SLC16A7: variants seen among roughly 807,000 people sequenced by gnomAD.
SLC16A7 encodes solute carrier family 16 member 7.
In SLC16A7, 33 loss-of-function variants were observed where a neutral mutation model predicts 34.9. That is an observed-to-expected ratio of 0.94 (90% confidence interval 0.72 to 1.26). SLC16A7 has a LOEUF of 1.26. Ranked by LOEUF, SLC16A7 falls within the 50% of genes most tolerant of loss-of-function variation. SLC16A7 has a pLI of 0.00. For synonymous variants in SLC16A7, 201 were observed against 206.6 expected, an observed-to-expected ratio of 0.97 and a Z score of 0.23; for missense variants, 573 against 578.1, an observed-to-expected ratio of 0.99 and a Z score of 0.09.
intron 3 of SLC16A7, among the ~76,000 whole-genome samples, chr12:59,745,747 A>T (rs1878824243): frequency 6.6e-6 from 1 of 152,194 alleles, no homozygotes; most frequent in Non-Finnish European, 1.5e-5. Context: ...TCTTATAGAC[A>T]TTTCTTATGT....
rs560377499 is a variant in SLC16A7, at chr12:59,675,761, A to C, written c.-31+20511A>C. 1.4e-3 allele frequency among the ~76,000 whole-genome samples: 210 copies of C among 152,280 alleles called. 1 individual carries two copies. The highest frequency in any genetic ancestry group is 5.0e-3 in the African/African-American group (206 of 41,556). ...ATGAACTATGCTTCTGATATAAAAA[A>C]ATTTTTAAATGAACACTTTTAGAAA... is the stretch of plus-strand genomic sequence containing the variant. On this transcript the variant is annotated intron_variant, in intron 2 of 5. Coordinates refer to ENST00000547379, the MANE Select transcript of SLC16A7 (RefSeq NM_001270623.2).
intron 1 of SLC16A7, among the ~76,000 whole-genome samples, chr12:59,650,342 G>A (rs1868321267): frequency 6.6e-6 from 1 of 152,048 alleles, no homozygotes; most frequent in African/African-American, 2.4e-5. Context: ...ACACCACATA[G>A]TCCAGACACC....
At chr12:59,701,840 T>A (rs767932072) in intron 2 of SLC16A7, among the ~76,000 whole-genome samples, 24 of 151,762 alleles carry the variant, frequency 1.6e-4, no homozygotes, top group Non-Finnish European at 2.7e-4. Context: ...TTGAAGTGAG[T>A]GAAAAATAAA....
chr12:59,755,257 C>T (rs1880163313), intron 3 of SLC16A7, among the ~76,000 whole-genome samples: 1 of 151,966 alleles, frequency 6.6e-6, no homozygotes, highest in African/African-American at 2.4e-5. Flanking sequence ...CTGGCCAGGG[C>T]AATTAGGCAG....
chr12:59,739,574 GGGTCAAAT>G (rs1160588078), intron 3 of SLC16A7, among the ~76,000 whole-genome samples: 1 of 146,234 alleles, frequency 6.8e-6, no homozygotes, highest in Non-Finnish European at 1.5e-5. Context: ...TGGGATGGCT[GGGTCAAAT>G]GGTATTTCTA....
chr12:59,671,253 C>T (rs1249453479), intron 2 of SLC16A7, among the ~76,000 whole-genome samples: 1 of 152,118 alleles, frequency 6.6e-6, no homozygotes, highest in Non-Finnish European at 1.5e-5. Flanking sequence ...AAACCACATG[C>T]TTTATTTGTT....
intron 1 of SLC16A7, among the ~76,000 whole-genome samples, chr12:59,602,665 A>G (rs1878745008): frequency 6.6e-6 from 1 of 151,514 alleles, no homozygotes; most frequent in South Asian, 2.1e-4. Context: ...TTGTATTTTT[A>G]GTAGAAATAG....
rs554438923 is a variant in SLC16A7 at position 59,622,289 on chromosome 12, G to A, written c.-130+26053G>A. ...GAAAAAACGTAGGTTGTTGTTCCCC[G>A]AGTACTCTTGGTAATTTAAAATAGA... On this transcript the variant is annotated intron_variant, in intron 1 of 5. Coordinates refer to ENST00000547379, the MANE Select transcript of SLC16A7 (RefSeq NM_001270623.2). 5.3e-5 allele frequency among the ~76,000 whole-genome samples: 8 copies of A among 151,806 alleles called. 1 individual carries two copies. The highest frequency in any genetic ancestry group is 1.4e-4 in the African/African-American group (6 of 41,474).
chr12:59,750,297 A>G (rs1209207802), intron 3 of SLC16A7, among the ~76,000 whole-genome samples: 1 of 152,228 alleles, frequency 6.6e-6, no homozygotes, highest in Non-Finnish European at 1.5e-5. Context: ...AATGGGAGAA[A>G]GATTTTGCAA....
chr12:59,618,554 T>C (rs1879559420), intron 1 of SLC16A7, among the ~76,000 whole-genome samples: 1 of 151,974 alleles, frequency 6.6e-6, no homozygotes. Context: ...GTTTTTGCAC[T>C]CACCACTGTA....
At chr12:59,719,988 T>G (rs1875380811) in intron 3 of SLC16A7, 1 of 661,492 alleles carries the variant, frequency 1.5e-6, no homozygotes, top group African/African-American at 1.8e-5. Context: ...GATGCATACC[T>G]GGGTCTACCT....
Position 59,782,073 on chromosome 12 carries a change from C to G in SLC16A7, c.*2394C>G, listed in dbSNP as rs1883288281. On this transcript the variant is annotated 3_prime_UTR_variant, in exon 6 of 6. Coordinates refer to ENST00000547379, the MANE Select transcript of SLC16A7 (RefSeq NM_001270623.2). ...GGTTGTCTTCATTCGTTATTTATTT[C>G]TAACACTGTATTAAATTGTTAGAAA... 1 of 152,124 alleles carries G rather than the reference C, an allele frequency of 6.6e-6. No individual in the cohort carries two copies. The highest frequency in any genetic ancestry group is 6.6e-5 in the Admixed American group (1 of 15,248). 9.4% of individuals were successfully genotyped at this position (152,124 alleles called of 1,614,324 possible).
intron 2 of SLC16A7, among the ~76,000 whole-genome samples, chr12:59,655,624 G>A (rs1161857322): frequency 6.6e-6 from 1 of 151,836 alleles, no homozygotes. Flanking sequence ...GAGAAAGCTA[G>A]AGGTATATAC....
intron 2 of SLC16A7, among the ~76,000 whole-genome samples, chr12:59,700,803 C>A (rs1166915401): frequency 6.6e-6 from 1 of 151,480 alleles, no homozygotes; most frequent in Non-Finnish European, 1.5e-5. Flanking sequence ...TTCTGAAGAT[C>A]CTAAAATTAT....
chr12:59,612,478 A>G (rs1288267989), intron 1 of SLC16A7, among the ~76,000 whole-genome samples: 1 of 152,170 alleles, frequency 6.6e-6, no homozygotes, highest in Non-Finnish European at 1.5e-5. Context: ...AGGGGCAGCG[A>G]TGAAAGTCTG....
intron 2 of SLC16A7, among the ~76,000 whole-genome samples, chr12:59,671,829 A>G (rs1179035323): frequency 3.0e-5 from 4 of 135,518 alleles, no homozygotes; most frequent in African/African-American, 5.6e-5. Context: ...GTGTATATGT[A>G]TATATGTATA....
intron 3 of SLC16A7, among the ~76,000 whole-genome samples, chr12:59,767,867 C>G (rs959595776): frequency 2.7e-5 from 4 of 148,672 alleles, no homozygotes; most frequent in Non-Finnish European, 4.4e-5. Flanking sequence ...ACCGCATGTT[C>G]TCACTCATAG....
chr12:59,655,854 C>G (rs1868508172), intron 2 of SLC16A7, among the ~76,000 whole-genome samples: 1 of 151,860 alleles, frequency 6.6e-6, no homozygotes, highest in South Asian at 2.1e-4. Context: ...AAAACTGATG[C>G]TCAGCATTGT....
At chr12:59,713,530 A>G (rs898503074) in intron 3 of SLC16A7, among the ~76,000 whole-genome samples, 2 of 152,206 alleles carry the variant, frequency 1.3e-5, no homozygotes, top group African/African-American at 2.4e-5. Context: ...TACACATTGA[A>G]TATTTTTTCA....
Sources: allele counts gnomAD v4.1 joint callset (sites outside exome capture counted in the v4.1 genomes callset), GRCh38; gene constraint gnomAD v4.1.1; transcripts MANE v1.5; gene names NCBI Gene and HGNC (gene_info 2026-07-23, HGNC 2026-07-21).